CD55: variants seen among roughly 807,000 people sequenced by gnomAD.
CD55 encodes CD55 molecule (Cromer blood group).
A neutral mutation model predicts 45.8 loss-of-function variants in CD55; 41 were observed. The observed-to-expected ratio is 0.90, with a 90% CI of 0.70 to 1.16. The LOEUF (loss-of-function observed/expected upper bound fraction) is 1.16. Ranked by LOEUF, CD55 falls within the 50% of genes most tolerant of loss-of-function variation. The probability of loss-of-function intolerance (pLI) is 0.00; values close to 1 mark genes in which losing one functional copy is unlikely to be tolerated. For missense variants in CD55, 416 were observed against 469.8 expected (o/e 0.89, Z 1.06); for synonymous variants, 181 against 181.1 (o/e 1.00, Z 0.01).
In CD55 at chr1:207,353,065, T is replaced by TG. The variant is rs66733059; in HGVS notation, c.1082-6479dup. On this transcript the variant is annotated intron_variant, in intron 9 of 9. Transcript: ENST00000367064. ...GTTTTTTTTTTTTTTTTTTTTTTTT[T>TG]GGATGGGGGACAGGGTCTCACTCTG... Among the ~76,000 whole-genome samples the TG allele has an allele frequency of 4.8e-3, 504 of 104,068 alleles. 86 individuals carry two copies. The highest frequency in any genetic ancestry group is 0.015 in the Middle Eastern group (2 of 134). 68.3% of individuals were successfully genotyped at this position (104,068 alleles called of 152,430 possible). A position where few individuals can be genotyped will look rare whatever the true frequency, so the allele number is the denominator to read the frequency against.
Position 207,339,377 on chromosome 1 carries a change from T to C in CD55, c.1061-20T>C, listed in dbSNP as rs1353126017. ...TAACAAATTTTTGTTGTTAATCCTT[T>C]TTTTCCCCTTCGTCTGTAGGTACTA... On this transcript the variant is annotated intron_variant, in intron 8 of 9. Transcript: ENST00000367064. The C allele has an allele frequency of 6.2e-7, 1 of 1,600,294 alleles. No individual in the cohort carries two copies. Among genetic ancestry groups the C allele is most frequent in the Non-Finnish European group, 8.5e-7 (1 of 1,173,642 alleles).
chr1:207,352,451 GTTTTGT>G (rs1655904327), intron 9 of CD55, among the ~76,000 whole-genome samples: 2 of 152,064 alleles, frequency 1.3e-5, no homozygotes, highest in South Asian at 4.1e-4. Flanking sequence ...CTTTCTGTTG[GTTTTGT>G]TTTTATTGTT....
chr1:207,340,471 T>C (rs1263183587), intron 9 of CD55: 1 of 679,510 alleles, frequency 1.5e-6, no homozygotes, highest in East Asian at 2.9e-5. Flanking sequence ...GTTCAAGCGA[T>C]CCTTCCACTT....
intron 9 of CD55, chr1:207,347,403 G>T: frequency 2.8e-6 from 1 of 352,656 alleles, no homozygotes; most frequent in South Asian, 2.2e-5. Context: ...GGGACTATAG[G>T]CGCCTGCCAC....
intron 5 of CD55, 29 bp downstream of exon 5, chr1:207,326,866 A>G: frequency 2.1e-6 from 3 of 1,445,308 alleles, no homozygotes; most frequent in Admixed American, 1.7e-5. Flanking sequence ...AAGCACTCAG[A>G]TTGTGAGGCT....
Position 207,336,792 on chromosome 1 carries a change from CA to C in CD55, c.958del (p.Thr320ProfsTer48), listed in dbSNP as rs1165047418. On this transcript the variant is annotated frameshift_variant, in exon 7 of 10. Transcript: ENST00000367064. LOFTEE classifies it high-confidence loss of function. ...TCACCAACTTCTCAGAAAACCACCA[CA>C]AAAACCACCACACCAAATGCTCAAG... ...EVSPTSQKTT[T>X]KTTTPNAQAT... is the part of the protein sequence containing the mutation. 3.1e-6 allele frequency: 5 copies of C among 1,613,736 alleles called. No individual in the cohort carries two copies. Among genetic ancestry groups the C allele is most frequent in the Non-Finnish European group, 3.4e-6 (4 of 1,179,824 alleles).
intron 5 of CD55, among the ~76,000 whole-genome samples, chr1:207,328,999 A>T (rs1614001): frequency 0.99 from 151,370 of 152,290 alleles, 75,236 homozygotes; most frequent in Non-Finnish European, 1. Context: ...CATACCCAAG[A>T]CATGTCCACC....
intron 6 of CD55, among the ~76,000 whole-genome samples, chr1:207,334,837 T>C (rs1309550814): frequency 1.3e-5 from 2 of 152,122 alleles, no homozygotes; most frequent in Non-Finnish European, 2.9e-5. Flanking sequence ...CCCAAGTATG[T>C]CAGTAATTAT....
chr1:207,340,618 C>A (rs529102197), intron 9 of CD55: 1 of 678,226 alleles, frequency 1.5e-6, no homozygotes, highest in African/African-American at 1.8e-5. Flanking sequence ...GCGATTTTTC[C>A]GGCCTCCCAA....
intron 6 of CD55, among the ~76,000 whole-genome samples, chr1:207,332,158 A>AT (rs1019069571): frequency 1.3e-5 from 2 of 152,080 alleles, no homozygotes; most frequent in Non-Finnish European, 2.9e-5. Flanking sequence ...AGAGGTAACA[A>AT]TTTTTTACAA....
rs976921777 is a variant in CD55, at chr1:207,324,869, A to G, written c.478+119A>G. 3.6e-5 allele frequency: 17 copies of G among 476,530 alleles called. 1 individual carries two copies. The highest frequency in any genetic ancestry group is 2.4e-4 in the African/African-American group (12 of 50,392). The allele number at this position is 476,530 out of a possible 1,614,324, so 29.5% of individuals were successfully genotyped here. ...ATTATTATATAGGATGTTTCTTGAT[A>G]GGACCATGAGTGTCAATTTATTTTG... is the stretch of plus-strand genomic sequence containing the variant. On this transcript the variant is annotated intron_variant, in intron 3 of 9. Transcript: ENST00000367064.
intron 9 of CD55, among the ~76,000 whole-genome samples, chr1:207,349,594 C>CAT (rs1655785777): frequency 6.6e-6 from 1 of 152,140 alleles, no homozygotes; most frequent in South Asian, 2.1e-4. Flanking sequence ...AGAGATCATT[C>CAT]ACCTCCCTGG....
chr1:207,330,187 A>T (rs963532801), intron 5 of CD55, among the ~76,000 whole-genome samples: 11 of 152,210 alleles, frequency 7.2e-5, no homozygotes, highest in African/African-American at 2.2e-4. Context: ...AAGTTAGTGT[A>T]AATCAGAACA....
Position 207,360,605 on chromosome 1 carries a change from T to C in CD55, c.*995T>C, listed in dbSNP as rs1257492764. ...AGCAGTTCAGAATGCCATGCCTTGG[T>C]TGTCCTAGTGTGAATAATTTTCAGC... is the stretch of plus-strand genomic sequence containing the variant. On this transcript the variant is annotated 3_prime_UTR_variant, in exon 10 of 10. Coordinates refer to ENST00000367064, the MANE Select transcript of CD55 (RefSeq NM_000574.5). The C allele has an allele frequency of 6.6e-6, 1 of 152,176 alleles. No individual in the cohort carries two copies. The highest frequency in any genetic ancestry group is 2.4e-5 in the African/African-American group (1 of 41,456). 9.4% of individuals were successfully genotyped at this position (152,176 alleles called of 1,614,324 possible).
chr1:207,354,029 A>C (rs1655989301), intron 9 of CD55: 1 of 1,535,312 alleles, frequency 6.5e-7, no homozygotes, highest in Non-Finnish European at 8.7e-7. Flanking sequence ...GACCTTTTGA[A>C]GTGTCTGGGT....
chr1:207,334,324 T>C (rs573659143), intron 6 of CD55, among the ~76,000 whole-genome samples: 1 of 152,276 alleles, frequency 6.6e-6, no homozygotes, highest in East Asian at 1.9e-4. Flanking sequence ...TAGAGATGTA[T>C]TCAGACAAAA....
chr1:207,351,422 G>A (rs1558157790), intron 9 of CD55, among the ~76,000 whole-genome samples: 1 of 152,166 alleles, frequency 6.6e-6, no homozygotes, highest in Non-Finnish European at 1.5e-5. Context: ...TTGATTATGT[G>A]TCTAACATTG....
chr1:207,360,028 A>G lies in CD55; in HGVS notation c.*418A>G, dbSNP rs1310843699. 6.5e-6 allele frequency: 1 copy of G among 153,730 alleles called. No homozygotes were observed. The highest frequency in any genetic ancestry group is 1.4e-5 in the Non-Finnish European group (1 of 69,102). The allele number at this position is 153,730 out of a possible 1,614,324, so 9.5% of individuals were successfully genotyped here. ...TCAAAAGCAAATAAAAACCCAATTC[A>G]GTCTCTTCTAAGCAAAATTGCTAAA... is the stretch of plus-strand genomic sequence containing the variant. On this transcript the variant is annotated 3_prime_UTR_variant, in exon 10 of 10. Coordinates refer to ENST00000367064, the MANE Select transcript of CD55 (RefSeq NM_000574.5).
intron 6 of CD55, among the ~76,000 whole-genome samples, chr1:207,332,520 C>A (rs1249771537): frequency 6.6e-6 from 1 of 151,972 alleles, no homozygotes; most frequent in Non-Finnish European, 1.5e-5. Context: ...GGTGTTTGCA[C>A]CTTTAATGAT....
Sources: allele counts gnomAD v4.1 joint callset (sites outside exome capture counted in the v4.1 genomes callset), GRCh38; gene constraint gnomAD v4.1.1; transcripts MANE v1.5; gene names NCBI Gene and HGNC (gene_info 2026-07-23, HGNC 2026-07-21).